SLC9A9: variants seen among roughly 807,000 people sequenced by gnomAD.
SLC9A9 encodes the protein solute carrier family 9 member A9.
Under a neutral mutation model 77.8 loss-of-function variants are expected in SLC9A9, and 62 were observed. The observed-to-expected ratio is 0.80, with a 90% confidence interval of 0.65 to 0.98. SLC9A9 has a LOEUF of 0.98. SLC9A9 is among the 50% of genes least tolerant of loss of function. The pLI, the probability that SLC9A9 is intolerant of heterozygous loss-of-function variation, is 0.00. For missense variants in SLC9A9, 775 were observed against 774.9 expected (o/e 1.00, Z 0.00); for synonymous variants, 320 against 283.5 (o/e 1.13, Z -1.29).
chr3:143,736,795 C>A (rs562564612), intron 4 of SLC9A9, among the ~76,000 whole-genome samples: 87 of 152,276 alleles, frequency 5.7e-4, no homozygotes, highest in African/African-American at 2.0e-3. Context: ...GAGCAAAGGG[C>A]TAACATGATA....
At chr3:143,426,475 A>T (rs929569969) in intron 12 of SLC9A9, among the ~76,000 whole-genome samples, 5 of 152,162 alleles carry the variant, frequency 3.3e-5, no homozygotes, top group Non-Finnish European at 7.4e-5. Context: ...CCCAGCTCAG[A>T]GTTTATTGAT....
chr3:143,383,605 G>T (rs1188342141), intron 12 of SLC9A9, among the ~76,000 whole-genome samples: 1 of 152,192 alleles, frequency 6.6e-6, no homozygotes, highest in Non-Finnish European at 1.5e-5. Flanking sequence ...GCCTTGGAGG[G>T]CCAGACCAAG....
At chr3:143,446,572 C>T (rs1027880384) in intron 12 of SLC9A9, among the ~76,000 whole-genome samples, 4 of 152,056 alleles carry the variant, frequency 2.6e-5, no homozygotes, top group Non-Finnish European at 5.9e-5. Context: ...GGGAAGAGGT[C>T]CAGACCTCAC....
intron 6 of SLC9A9, among the ~76,000 whole-genome samples, chr3:143,595,057 A>C (rs1330307294): frequency 6.6e-6 from 1 of 152,194 alleles, no homozygotes; most frequent in Non-Finnish European, 1.5e-5. Context: ...ACTGGAGTAC[A>C]TCTAGACAGG....
rs1260247849 is a variant in SLC9A9, at chr3:143,495,192, A to T, written c.1203+143T>A. 14 of 669,286 alleles carry T rather than the reference A, an allele frequency of 2.1e-5. No individual in the cohort carries two copies. In the East Asian group the frequency reaches 2.5e-4, roughly 12 times the overall value. The allele number at this position is 669,286 out of a possible 1,614,324, so 41.5% of individuals were successfully genotyped here. On this transcript the variant is annotated intron_variant, in intron 10 of 15. Transcript: ENST00000316549. ...TTTCTTAGGATGTTTTCCTCCCCTA[A>T]CTAGAAATCACGTATCTGCCTTGTG... is the stretch of plus-strand genomic sequence containing the variant.
chr3:143,282,593 C>G (rs578137500), intron 14 of SLC9A9, among the ~76,000 whole-genome samples: 2 of 152,142 alleles, frequency 1.3e-5, no homozygotes, highest in Admixed American at 6.5e-5. Flanking sequence ...TCTAGAGAAG[C>G]CTCTCAGAGC....
At chr3:143,583,741 C>G (rs2037494333) in intron 6 of SLC9A9, among the ~76,000 whole-genome samples, 3 of 152,150 alleles carry the variant, frequency 2.0e-5, no homozygotes, top group African/African-American at 7.2e-5. Context: ...ATAAGCATTT[C>G]TTAAATAAAT....
chr3:143,423,948 A>G (rs1559909795), intron 12 of SLC9A9, among the ~76,000 whole-genome samples: 1 of 152,218 alleles, frequency 6.6e-6, no homozygotes, highest in East Asian at 1.9e-4. Context: ...AACACCCAGA[A>G]TAAGGGATCT....
intron 14 of SLC9A9, among the ~76,000 whole-genome samples, chr3:143,358,457 G>A (rs2032652227): frequency 6.6e-6 from 1 of 152,196 alleles, no homozygotes; most frequent in South Asian, 2.1e-4. Flanking sequence ...TGGCATACAG[G>A]AAGTGCTAAA....
intron 4 of SLC9A9, among the ~76,000 whole-genome samples, chr3:143,754,979 C>T (rs2006874621): frequency 6.6e-6 from 1 of 152,180 alleles, no homozygotes; most frequent in African/African-American, 2.4e-5. Context: ...CCTTGCTTGA[C>T]TTGGTTTATA....
chr3:143,547,090 G>A (rs190995483), intron 9 of SLC9A9, among the ~76,000 whole-genome samples: 2 of 152,184 alleles, frequency 1.3e-5, no homozygotes, highest in Admixed American at 1.3e-4. Flanking sequence ...CTTCTAGGAC[G>A]CCATACTTTG....
chr3:143,442,044 CCCAT>C (rs1186016022), intron 12 of SLC9A9, among the ~76,000 whole-genome samples: 1 of 152,074 alleles, frequency 6.6e-6, no homozygotes, highest in Non-Finnish European at 1.5e-5. Context: ...CCCTTAACTA[CCCAT>C]CCATCCACCC....
chr3:143,316,502 A>T (rs180870379), intron 14 of SLC9A9, among the ~76,000 whole-genome samples: 90 of 152,348 alleles, frequency 5.9e-4, no homozygotes, highest in African/African-American at 2.0e-3. Context: ...GGTGCTTCCC[A>T]GAAGAGTTGG....
chr3:143,564,102 G>A (rs921573139), intron 8 of SLC9A9, among the ~76,000 whole-genome samples: 1 of 152,182 alleles, frequency 6.6e-6, no homozygotes, highest in African/African-American at 2.4e-5. Context: ...AACACAAGGA[G>A]ATTAATCCTA....
At chr3:143,634,552 T>A (rs910516103) in intron 6 of SLC9A9, among the ~76,000 whole-genome samples, 3 of 152,166 alleles carry the variant, frequency 2.0e-5, no homozygotes, top group African/African-American at 7.2e-5. Flanking sequence ...ACACTTTTAA[T>A]CTCCCTTAAT....
At chr3:143,729,877 A>G (rs984298918) in intron 4 of SLC9A9, among the ~76,000 whole-genome samples, 30 of 152,162 alleles carry the variant, frequency 2.0e-4, no homozygotes, top group African/African-American at 7.2e-4. Context: ...GTTCCTGCAC[A>G]ATCTCTCCCT....
chr3:143,404,660 A>G (rs191479623), intron 12 of SLC9A9, among the ~76,000 whole-genome samples: 3 of 151,642 alleles, frequency 2.0e-5, no homozygotes, highest in Admixed American at 2.0e-4. Context: ...ATGTATATGT[A>G]TTTTTTTGGT....
At chr3:143,634,541 C>T (rs966305659) in intron 6 of SLC9A9, among the ~76,000 whole-genome samples, 1 of 152,092 alleles carries the variant, frequency 6.6e-6, no homozygotes, top group African/African-American at 2.4e-5. Context: ...GTATTGCCAG[C>T]ACACTTTTAA....
In SLC9A9 at chr3:143,725,319, T is replaced by A. The variant is rs535309821; in HGVS notation, c.534-32012A>T. On this transcript the variant is annotated intron_variant, in intron 4 of 15. Coordinates refer to ENST00000316549, the MANE Select transcript of SLC9A9 (RefSeq NM_173653.4). ...TTAACTAGTTCAACCATTGTGGAAG[T>A]CAGTGTGGCGATTCCTCAGGGATCT... 1.6e-4 allele frequency among the ~76,000 whole-genome samples: 25 copies of A among 152,152 alleles called. No homozygotes were observed. The South Asian group carries it at 4.6e-3, about 28-fold the overall frequency.
Sources: allele counts gnomAD v4.1 joint callset (sites outside exome capture counted in the v4.1 genomes callset), GRCh38; gene constraint gnomAD v4.1.1; transcripts MANE v1.5; gene names NCBI Gene and HGNC (gene_info 2026-07-23, HGNC 2026-07-21).